Variants in APCDD1L observed in about 807,000 individuals in gnomAD.
APCDD1L encodes the protein protein APCDD1-like.
APCDD1L carries 21 observed loss-of-function variants against 24.2 expected under a neutral mutation model. The observed-to-expected ratio is 0.87, with a 90% confidence interval of 0.61 to 1.25. APCDD1L has a LOEUF of 1.25. Among genes scored for constraint, APCDD1L ranks in the 50% most tolerant of loss-of-function variants. The pLI is 0.00. For missense variants in APCDD1L, 704 were observed against 711.7 expected (o/e 0.99, Z 0.12); for synonymous variants, 321 against 323.6 (o/e 0.99, Z 0.09).
intron 1 of APCDD1L, among the ~76,000 whole-genome samples, chr20:58,489,763 C>T (rs1166801545): frequency 1.3e-5 from 2 of 151,934 alleles, no homozygotes; most frequent in Non-Finnish European, 2.9e-5. Context: ...AGGGTGCAAT[C>T]TCCAACTCAC....
chr20:58,509,996 T>C (rs1990597258), intron 1 of APCDD1L, among the ~76,000 whole-genome samples: 1 of 152,188 alleles, frequency 6.6e-6, no homozygotes, highest in Non-Finnish European at 1.5e-5. Context: ...TTCTTTTGCA[T>C]CTAAGCTTTG....
chr20:58,515,257 G>GT lies in APCDD1L; in HGVS notation c.-551dup, dbSNP rs1878758554. The GT allele has an allele frequency of 1.0e-5, 2 of 197,360 alleles. No homozygotes were observed. Among genetic ancestry groups the GT allele is most frequent in the Non-Finnish European group, 2.0e-5 (2 of 98,574 alleles). 12.2% of individuals were successfully genotyped at this position (197,360 alleles called of 1,614,324 possible). On this transcript the variant is annotated 5_prime_UTR_variant, in exon 1 of 4. Transcript: ENST00000371149. The stretch of plus-strand genomic sequence containing the variant: ...AGGTCTTCCAGCTACTCCTGGAAAA[G>GT]TCGCGTCAACTTGGATCCCAGCAAA...
At chr20:58,472,703 C>G (rs1242848739) in intron 1 of APCDD1L, among the ~76,000 whole-genome samples, 1 of 152,206 alleles carries the variant, frequency 6.6e-6, no homozygotes, top group Non-Finnish European at 1.5e-5. Flanking sequence ...GCCAAGGTGT[C>G]CCCACACCGA....
At position 58,467,798 on chromosome 20, in the gene APCDD1L, T is replaced by A. The variant is rs1447918226; in HGVS notation, c.189-140A>T. ...CAGGCCTGGGCCCCTCCAGCCTCAGTTCCCCTCACTGCTCGCAGTCAGGCA... is the reference window on the plus strand; with the variant it reads ...CAGGCCTGGGCCCCTCCAGCCTCAGATCCCCTCACTGCTCGCAGTCAGGCA... On this transcript the variant is annotated intron_variant, in intron 2 of 3. Transcript: ENST00000371149. This position sits in a 1 kb window ranked among gnomAD's most constrained non-coding sequence, Gnocchi z 5.9. The A allele has an allele frequency of 2.0e-5, 17 of 838,692 alleles. No individual in the cohort carries two copies. The highest frequency in any genetic ancestry group is 2.8e-5 in the Non-Finnish European group (17 of 608,030). 52.0% of individuals were successfully genotyped at this position (838,692 alleles called of 1,614,324 possible).
chr20:58,505,712 G>A (rs1990517849), intron 1 of APCDD1L, among the ~76,000 whole-genome samples: 2 of 152,184 alleles, frequency 1.3e-5, no homozygotes, highest in South Asian at 4.2e-4. Flanking sequence ...ATATGCTGAA[G>A]TCCTAACTCT....
At chr20:58,489,967 A>G (rs1274421577) in intron 1 of APCDD1L, among the ~76,000 whole-genome samples, 1 of 152,252 alleles carries the variant, frequency 6.6e-6, no homozygotes, top group Admixed American at 6.5e-5. Flanking sequence ...CCACAAACAC[A>G]ATAAAATTCA....
intron 1 of APCDD1L, among the ~76,000 whole-genome samples, chr20:58,500,179 A>T (rs1024594436): frequency 6.6e-6 from 1 of 152,184 alleles, no homozygotes; most frequent in Non-Finnish European, 1.5e-5. Flanking sequence ...TTCTGGGGGA[A>T]AATGCATATG....
rs567805466 is a variant in APCDD1L at position 58,513,044 on chromosome 20, C to A, written c.49+1615G>T. On this transcript the variant is annotated intron_variant, in intron 1 of 3. Coordinates refer to ENST00000371149, the MANE Select transcript of APCDD1L (RefSeq NM_153360.3). ...ACTCACAGTGATTTCATTGGCATGA[C>A]GGGAAGCTCCGGCCTGCCAAAGACA... Among the ~76,000 whole-genome samples the A allele has an allele frequency of 2.0e-5, 3 of 152,316 alleles. No homozygotes were observed. In the South Asian group the frequency reaches 6.2e-4, roughly 32 times the overall value.
intron 1 of APCDD1L, among the ~76,000 whole-genome samples, chr20:58,471,468 G>C (rs1476175819): frequency 6.6e-6 from 1 of 152,246 alleles, no homozygotes; most frequent in African/African-American, 2.4e-5. Flanking sequence ...CCAGGGGGAG[G>C]AATTGGGCTC....
Position 58,467,623 on chromosome 20 carries a change from C to T in APCDD1L, c.224G>A (p.Arg75His), listed in dbSNP as rs1300136538. Reference protein sequence around the residue: ...EVRPGPEFLTRAYTFYPSRLF... With the variant: ...EVRPGPEFLTHAYTFYPSRLF... Reference sequence around the variant, plus strand: ...CCGGCTGGGGTAGAAGGTGTAGGCGCGGGTCAGGAACTCCGGTCCTGGGCG... The same window carrying T: ...CCGGCTGGGGTAGAAGGTGTAGGCGTGGGTCAGGAACTCCGGTCCTGGGCG... The change falls in exon 3 of 4, where the codon CGC becomes CAC. Residue 75 changes from arginine (R) to histidine (H), a missense_variant. By Grantham distance (29) the Arg-to-His change is conservative. Coordinates refer to ENST00000371149, the MANE Select transcript of APCDD1L (RefSeq NM_153360.3). The surrounding 1 kb of genome is among the most constrained non-coding windows in gnomAD (Gnocchi z 5.9). 6.6e-7 allele frequency: 1 copy of T among 1,525,440 alleles called. No individual in the cohort carries two copies. The highest frequency in any genetic ancestry group is 2.6e-5 in the East Asian group (1 of 39,082). The allele number at this position is 1,525,440 out of a possible 1,614,324, so 94.5% of individuals were successfully genotyped here.
chr20:58,493,358 T>C (rs1444020294), intron 1 of APCDD1L, among the ~76,000 whole-genome samples: 3 of 152,224 alleles, frequency 2.0e-5, no homozygotes, highest in South Asian at 4.1e-4. Flanking sequence ...ATGACTGTGA[T>C]TTTGGTAACT....
intron 1 of APCDD1L, among the ~76,000 whole-genome samples, chr20:58,512,807 C>G (rs958609675): frequency 6.6e-6 from 1 of 152,118 alleles, no homozygotes; most frequent in Non-Finnish European, 1.5e-5. Context: ...AAATAGTGCC[C>G]GGTGTAGAGC....
chr20:58,469,717 A>ACG (rs1989776353), intron 2 of APCDD1L, among the ~76,000 whole-genome samples: 1 of 152,158 alleles, frequency 6.6e-6, no homozygotes, highest in Non-Finnish European at 1.5e-5. Flanking sequence ...CGAAGGACTC[A>ACG]TGTCCCCTTC....
At chr20:58,503,311 T>G (rs532664067) in intron 1 of APCDD1L, among the ~76,000 whole-genome samples, 3 of 152,164 alleles carry the variant, frequency 2.0e-5, no homozygotes, top group Admixed American at 2.0e-4. Context: ...CACTGGCAAG[T>G]TGGTCTTAAT....
intron 3 of APCDD1L, among the ~76,000 whole-genome samples, chr20:58,464,856 C>CT (rs11415092): frequency 0.67 from 97,732 of 146,168 alleles, 33,153 homozygotes; most frequent in South Asian, 0.8. Flanking sequence ...TTCTTTCTTT[C>CT]TTTTTTTTTT....
intron 1 of APCDD1L, among the ~76,000 whole-genome samples, chr20:58,491,066 C>A (rs911492925): frequency 6.6e-6 from 1 of 152,108 alleles, no homozygotes; most frequent in African/African-American, 2.4e-5. Context: ...AATTCCAAAC[C>A]CATTCGTAAT....
At chr20:58,485,129 C>T (rs1351169847) in intron 1 of APCDD1L, among the ~76,000 whole-genome samples, 2 of 138,456 alleles carry the variant, frequency 1.4e-5, no homozygotes, top group East Asian at 4.2e-4. Context: ...TGTTAATGGT[C>T]ATTTAGGTTG....
chr20:58,510,085 T>A (rs2123197466), intron 1 of APCDD1L, among the ~76,000 whole-genome samples: 1 of 152,282 alleles, frequency 6.6e-6, no homozygotes, highest in East Asian at 1.9e-4. Context: ...AGGTTACATA[T>A]CACCTTTCTA....
chr20:58,467,211 C>T lies in APCDD1L; in HGVS notation c.636G>A (p.Ser212=), dbSNP rs200345677. Residue 212 remains serine (S), a synonymous_variant, in exon 3 of 4, where the codon TCG becomes TCA. Transcript: ENST00000371149. The surrounding 1 kb of genome is among the most constrained non-coding windows in gnomAD (Gnocchi z 5.9). ...GGTACAGCTCCTCCACCAGCCGGGG[C>T]GACGCCCGGGGCTGCGGCTGCAGGC... is the stretch of plus-strand genomic sequence containing the variant. ...QRRLQPQPRA[S]PRLVEELYLG... 1 of 1,603,226 alleles carries T rather than the reference C, an allele frequency of 6.2e-7. No homozygotes were observed.
Sources: gnomAD v4.1 joint callset for allele counts (sites outside exome capture counted in the v4.1 genomes callset) on GRCh38, gnomAD v4.1.1 for gene constraint, Gnocchi (gnomAD v3.1) non-coding constraint, MANE v1.5 for transcripts, NCBI Gene and HGNC (gene_info 2026-07-23, HGNC 2026-07-21) for gene names.